Variants in FFAR4 observed in about 807,000 individuals in gnomAD.
FFAR4 encodes the protein G-protein coupled receptor 120.
A neutral mutation model predicts 27.0 loss-of-function variants in FFAR4; 19 were observed. The observed-to-expected ratio is 0.70, with a 90% CI of 0.49 to 1.03. The LOEUF (loss-of-function observed/expected upper bound fraction) is 1.03. Among genes scored for constraint, FFAR4 ranks in the 50% least tolerant of loss-of-function variants. The pLI, the probability that FFAR4 is intolerant of heterozygous loss-of-function variation, is 0.00. For synonymous variants in FFAR4, 254 were observed against 215.6 expected (o/e 1.18, Z -1.56); for missense variants, 476 against 479.0 (o/e 0.99, Z 0.06).
In FFAR4 at chr10:93,582,544, C is replaced by CAA. The variant is rs56934747; in HGVS notation, c.697-4655_697-4654dup. Among the ~76,000 whole-genome samples, 397 of 99,208 alleles carry CAA rather than the reference C, an allele frequency of 4.0e-3. 1 individual carries two copies. Among genetic ancestry groups the CAA allele is most frequent in the African/African-American group, 0.012 (345 of 28,304 alleles). The allele number at this position is 99,208 out of a possible 152,430, so 65.1% of individuals were successfully genotyped here. A position where few individuals can be genotyped will look rare whatever the true frequency, so the allele number is the denominator to read the frequency against. On this transcript the variant is annotated intron_variant, in intron 2 of 2. Coordinates refer to ENST00000371481, the MANE Select transcript of FFAR4 (RefSeq NM_001195755.2). ...GGGCAACAAGAGCGAAACTCCATCT[C>CAA]AAAAAAAAAAAAAAAAAAAAAATCC... is the stretch of plus-strand genomic sequence containing the variant.
chr10:93,582,105 G>C lies in FFAR4; in HGVS notation c.697-5115G>C, dbSNP rs73327243. Reference sequence around the variant, plus strand: ...AGTGCAGAAGACATTTGAAATCCTGGATCAATGTTAATTATCTTTGACATC... The same window carrying C: ...AGTGCAGAAGACATTTGAAATCCTGCATCAATGTTAATTATCTTTGACATC... On this transcript the variant is annotated intron_variant, in intron 2 of 2. Coordinates refer to ENST00000371481, the MANE Select transcript of FFAR4 (RefSeq NM_001195755.2). Among the ~76,000 whole-genome samples the C allele has an allele frequency of 5.9e-5, 9 of 152,266 alleles. No individual in the cohort carries two copies. In the East Asian group the frequency reaches 1.4e-3, roughly 23 times the overall value.
chr10:93,575,740 A>G (rs2058159836), intron 1 of FFAR4, among the ~76,000 whole-genome samples: 1 of 152,156 alleles, frequency 6.6e-6, no homozygotes, highest in Admixed American at 6.5e-5. Flanking sequence ...TCCTTTGTAA[A>G]ATGGCAGGCT....
rs1467700529 is a variant in FFAR4, at chr10:93,566,827, G to A, written c.107G>A (p.Arg36Gln). Reference sequence around the variant, plus strand: ...TTCTCCGACGTCAAGGGCGACCACCGGCTGGTGCTGGCCGCGGTGGAGACA... The same window carrying A: ...TTCTCCGACGTCAAGGGCGACCACCAGCTGGTGCTGGCCGCGGTGGAGACA... ...PFFSDVKGDH[R>Q]LVLAAVETTV... Residue 36 changes from arginine to glutamine, a missense_variant, in exon 1 of 3, where the codon CGG becomes CAG. Coordinates refer to ENST00000371481, the MANE Select transcript of FFAR4 (RefSeq NM_001195755.2). 4 of 1,602,274 alleles carry A rather than the reference G, an allele frequency of 2.5e-6. No individual in the cohort carries two copies. Among genetic ancestry groups the A allele is most frequent in the Admixed American group, 3.4e-5 (2 of 59,330 alleles).
In FFAR4 at chr10:93,567,297, C is replaced by G. The variant is rs768164301; in HGVS notation, c.567+10C>G. 1.3e-6 allele frequency: 2 copies of G among 1,595,792 alleles called. No individual in the cohort carries two copies. The highest frequency in any genetic ancestry group is 2.2e-5 in the East Asian group (1 of 44,768). The stretch of plus-strand genomic sequence containing the variant: ...CCCCGGCGCCGACCAGGTGAGCGCC[C>G]CTCTGTGTGTGCCGGGCAGGTGTCC... On this transcript the variant is annotated intron_variant, in intron 1 of 2. Coordinates refer to ENST00000371481, the MANE Select transcript of FFAR4 (RefSeq NM_001195755.2).
intron 2 of FFAR4, among the ~76,000 whole-genome samples, chr10:93,581,172 A>C (rs2058195191): frequency 6.6e-6 from 1 of 152,230 alleles, no homozygotes; most frequent in African/African-American, 2.4e-5. Flanking sequence ...GGGCATATAA[A>C]TATTTGTCGA....
chr10:93,567,167 T>C lies in FFAR4; in HGVS notation c.447T>C (p.Gly149=). The C allele has an allele frequency of 6.2e-7, 1 of 1,604,308 alleles. No individual in the cohort carries two copies. The highest frequency in any genetic ancestry group is 8.5e-7 in the Non-Finnish European group (1 of 1,178,702). The change falls in exon 1 of 3, where the codon GGT becomes GGC. Residue 149 remains glycine, a synonymous_variant. Coordinates refer to ENST00000371481, the MANE Select transcript of FFAR4 (RefSeq NM_001195755.2). ...TGCACCTGCAGCGCGGCGTGCGGGG[T>C]CCTGGGCGGCGGGCGCGGGCAGTGC... is the stretch of plus-strand genomic sequence containing the variant. ...CIVHLQRGVR[G]PGRRARAVLL...
rs1564780496 is a variant in FFAR4 at position 93,567,211 on chromosome 10, G to A, written c.491G>A (p.Gly164Asp). ...GCAGTGCTGCTGGCGCTCATCTGGG[G>A]CTATTCGGCGGTCGCCGCTCTGCCT... ...ARAVLLALIW[G>D]YSAVAALPLC... The change falls in exon 1 of 3, where the codon GGC becomes GAC. Residue 164 changes from glycine to aspartate, a missense_variant. Gly to Asp is a moderately conservative substitution (Grantham distance 94). Coordinates refer to ENST00000371481, the MANE Select transcript of FFAR4 (RefSeq NM_001195755.2). 1.2e-6 allele frequency: 2 copies of A among 1,602,270 alleles called. No homozygotes were observed. Among genetic ancestry groups the A allele is most frequent in the Non-Finnish European group, 1.7e-6 (2 of 1,179,504 alleles).
intron 1 of FFAR4, among the ~76,000 whole-genome samples, chr10:93,570,675 C>G (rs1564781669): frequency 6.6e-6 from 1 of 152,204 alleles, no homozygotes; most frequent in East Asian, 1.9e-4. Context: ...CTTCCTGAAA[C>G]AGAAACTCAA....
chr10:93,579,240 G>A, intron 2 of FFAR4: 1 of 1,570,598 alleles, frequency 6.4e-7, no homozygotes, highest in Non-Finnish European at 8.8e-7. Flanking sequence ...GAGTAACAGA[G>A]CAAATATGTA....
chr10:93,587,270 G>C lies in FFAR4; in HGVS notation c.747G>C (p.Glu249Asp). Residue 249 changes from glutamate (E) to aspartate (D), a missense_variant, in exon 3 of 3, where the codon GAG becomes GAC. Glu to Asp is a conservative substitution (Grantham distance 45). Coordinates refer to ENST00000371481, the MANE Select transcript of FFAR4 (RefSeq NM_001195755.2). ...TCACGGTAAGCCTGGCCTACTCGGA[G>C]AGCCACCAGATCCGCGTGTCCCAGC... The part of the protein sequence containing the change: ...KRLTVSLAYS[E>D]SHQIRVSQQD... 1 of 1,614,148 alleles carries C rather than the reference G, an allele frequency of 6.2e-7. No individual in the cohort carries two copies. Among genetic ancestry groups the C allele is most frequent in the South Asian group, 1.1e-5 (1 of 91,084 alleles).
intron 1 of FFAR4, among the ~76,000 whole-genome samples, chr10:93,573,288 A>G (rs1044647827): frequency 3.9e-5 from 6 of 152,314 alleles, no homozygotes; most frequent in African/African-American, 1.4e-4. Flanking sequence ...GACTCTGCCA[A>G]TTCTGCTTCT....
At chr10:93,571,859 A>T (rs2058133728) in intron 1 of FFAR4, among the ~76,000 whole-genome samples, 1 of 152,176 alleles carries the variant, frequency 6.6e-6, no homozygotes, top group Non-Finnish European at 1.5e-5. Flanking sequence ...ACAAGGATCT[A>T]CCAAGGGTCT....
Position 93,587,865 on chromosome 10 carries a change from C to A in FFAR4, c.*256C>A, listed in dbSNP as rs1168270364. ...GTTTGGGAGGCTGAGGTGGGTGGAT[C>A]ACCTGAGGTCAGGAGTTCGAGACCA... On this transcript the variant is annotated 3_prime_UTR_variant, in exon 3 of 3. Transcript: ENST00000371481. 1 of 365,162 alleles carries A rather than the reference C, an allele frequency of 2.7e-6. No individual in the cohort carries two copies. Among genetic ancestry groups the A allele is most frequent in the Non-Finnish European group, 5.1e-6 (1 of 197,274 alleles). 22.6% of individuals were successfully genotyped at this position (365,162 alleles called of 1,614,324 possible).
At position 93,566,820 on chromosome 10, in the gene FFAR4, G is replaced by T; in HGVS notation, c.100G>T (p.Asp34Tyr). Reference sequence around the variant, plus strand: ...TCCCTTCTTCTCCGACGTCAAGGGCGACCACCGGCTGGTGCTGGCCGCGGT... The same window carrying T: ...TCCCTTCTTCTCCGACGTCAAGGGCTACCACCGGCTGGTGCTGGCCGCGGT... The part of the protein sequence containing the change: ...RFPFFSDVKG[D>Y]HRLVLAAVET... The change falls in exon 1 of 3, where the codon GAC becomes TAC. Residue 34 changes from aspartate (D) to tyrosine (Y), a missense_variant. Coordinates refer to ENST00000371481, the MANE Select transcript of FFAR4 (RefSeq NM_001195755.2). The T allele has an allele frequency of 6.2e-7, 1 of 1,604,618 alleles. No homozygotes were observed. The highest frequency in any genetic ancestry group is 8.5e-7 in the Non-Finnish European group (1 of 1,176,788).
chr10:93,587,507 T>A lies in FFAR4; in HGVS notation c.984T>A (p.Asn328Lys), dbSNP rs115264120. The change falls in exon 3 of 3, where the codon AAT (asparagine) becomes AAA (lysine). Residue 328 changes from asparagine to lysine, a missense_variant. Coordinates refer to ENST00000371481, the MANE Select transcript of FFAR4 (RefSeq NM_001195755.2). ...PILYNMTLCR[N>K]EWKKIFCCFW... The stretch of plus-strand genomic sequence containing the variant: ...TCTACAACATGACACTGTGCAGGAA[T>A]GAGTGGAAGAAAATTTTTTGCTGCT... 1.2e-6 allele frequency: 2 copies of A among 1,614,086 alleles called. No homozygotes were observed. The highest frequency in any genetic ancestry group is 1.1e-5 in the South Asian group (1 of 91,062).
At chr10:93,571,852 A>G (rs2058133706) in intron 1 of FFAR4, among the ~76,000 whole-genome samples, 1 of 152,204 alleles carries the variant, frequency 6.6e-6, no homozygotes, top group Non-Finnish European at 1.5e-5. Context: ...CACAGGAACA[A>G]GGATCTACCA....
Position 93,587,577 on chromosome 10 carries a change from A to C in FFAR4, c.1054A>C (p.Lys352Gln), listed in dbSNP as rs1372876600. The C allele has an allele frequency of 1.9e-6, 3 of 1,613,502 alleles. No homozygotes were observed. Residue 352 changes from lysine to glutamine, a missense_variant, in exon 3 of 3, where the codon AAA (lysine) becomes CAA (glutamine). Coordinates refer to ENST00000371481, the MANE Select transcript of FFAR4 (RefSeq NM_001195755.2). ...AGCCATTTTAACAGACACATCTGTC[A>C]AAAGAAATGACTTGTCGATTATTTC... ...KGAILTDTSV[K>Q]RNDLSIISG is the part of the protein sequence containing the mutation.
At position 93,587,269 on chromosome 10, in the gene FFAR4, A is replaced by T; in HGVS notation, c.746A>T (p.Glu249Val). The change falls in exon 3 of 3, where the codon GAG becomes GTG. Residue 249 changes from glutamate (E) to valine (V), a missense_variant. Transcript: ENST00000371481. ...CTCACGGTAAGCCTGGCCTACTCGG[A>T]GAGCCACCAGATCCGCGTGTCCCAG... ...KRLTVSLAYSESHQIRVSQQD... is the reference protein window; with the variant it reads ...KRLTVSLAYSVSHQIRVSQQD... 6.2e-7 allele frequency: 1 copy of T among 1,614,140 alleles called. No homozygotes were observed. The highest frequency in any genetic ancestry group is 8.5e-7 in the Non-Finnish European group (1 of 1,179,990).
intron 1 of FFAR4, among the ~76,000 whole-genome samples, chr10:93,568,146 CT>C (rs2058110653): frequency 6.6e-6 from 1 of 152,146 alleles, no homozygotes; most frequent in East Asian, 1.9e-4. Flanking sequence ...GAGCTCGGGT[CT>C]TTTTCTCTTG....
Sources: allele counts gnomAD v4.1 joint callset (sites outside exome capture counted in the v4.1 genomes callset), GRCh38; gene constraint gnomAD v4.1.1; transcripts MANE v1.5; gene names NCBI Gene and HGNC (gene_info 2026-07-23, HGNC 2026-07-21).